CARD8: variants seen among roughly 807,000 people sequenced by gnomAD.
The protein encoded by CARD8 is caspase recruitment domain family member 8.
Under a neutral mutation model 53.2 loss-of-function variants are expected in CARD8, and 38 were observed. The observed-to-expected ratio is 0.71, with a 90% CI of 0.55 to 0.94. The LOEUF (loss-of-function observed/expected upper bound fraction) is 0.94. Ranked by LOEUF, CARD8 falls within the 40% of genes least tolerant of loss-of-function variation. The probability of loss-of-function intolerance (pLI) is 0.00; values close to 1 mark genes in which losing one functional copy is unlikely to be tolerated. For synonymous variants in CARD8, 245 were observed against 244.9 expected, an observed-to-expected ratio of 1.00 and a Z score of 0.00; for missense variants, 561 against 655.5, an observed-to-expected ratio of 0.86 and a Z score of 1.57.
At chr19:48,255,515 T>TAA (rs1281189299) in intron 1 of CARD8, among the ~76,000 whole-genome samples, 1 of 152,180 alleles carries the variant, frequency 6.6e-6, no homozygotes, top group Admixed American at 6.5e-5. Flanking sequence ...TTACAGAAAT[T>TAA]AAAACAAATT....
Position 48,215,397 on chromosome 19 carries a change from G to T in CARD8, c.1304-13C>A, listed in dbSNP as rs1405339516. ...AGCTGGAGATCCACTACAAAAGAGG[G>T]AAAAATTATATGATGAGATGAGATA... On this transcript the variant is annotated splice_polypyrimidine_tract_variant and intron_variant, in intron 12 of 13. Coordinates refer to ENST00000651546, the MANE Select transcript of CARD8 (RefSeq NM_001184900.3). 1 of 1,594,436 alleles carries T rather than the reference G, an allele frequency of 6.3e-7. No homozygotes were observed. The highest frequency in any genetic ancestry group is 1.3e-5 in the African/African-American group (1 of 74,580).
rs987648875 is a variant in CARD8 at position 48,211,964 on chromosome 19, C to T, written c.1360G>A (p.Val454Met). ...APPPFSGAAFVKENHRQLQAR... is the reference protein window; with the variant it reads ...APPPFSGAAFMKENHRQLQAR... ...TGGAGTTGCCGGTGGTTCTCCTTCA[C>T]AAAGGCTGCACCTGGATGAAAGGGG... The change falls in exon 14 of 14, where the codon GTG becomes ATG. Residue 454 changes from valine (V) to methionine (M), a missense_variant. Physicochemically the swap from Val to Met is conservative, Grantham distance 21 (BLOSUM62 1). Coordinates refer to ENST00000651546, the MANE Select transcript of CARD8 (RefSeq NM_001184900.3). 4 of 1,613,804 alleles carry T rather than the reference C, an allele frequency of 2.5e-6. No individual in the cohort carries two copies. Among genetic ancestry groups the T allele is most frequent in the African/African-American group, 2.7e-5 (2 of 74,898 alleles).
At chr19:48,219,834 G>C (rs1363797736) in intron 11 of CARD8, among the ~76,000 whole-genome samples, 1 of 152,108 alleles carries the variant, frequency 6.6e-6, no homozygotes, top group Non-Finnish European at 1.5e-5. Context: ...AGCCAGGCGT[G>C]GTGGCAGGTG....
downstream of CARD8, among the ~76,000 whole-genome samples, chr19:48,207,732 C>CTGGTTT (rs1555790095): frequency 0.016 from 1,500 of 91,272 alleles, 49 homozygotes; most frequent in African/African-American, 0.062. Context: ...TGTTGTTTTT[C>CTGGTTT]TGTTTTTTTT....
chr19:48,206,906 T>TGACAA (rs2037368085), downstream of CARD8, among the ~76,000 whole-genome samples: 1 of 152,036 alleles, frequency 6.6e-6, no homozygotes, highest in Non-Finnish European at 1.5e-5. Context: ...GGGTGACAAG[T>TGACAA]GTGGAGGCTT....
chr19:48,226,115 T>TA (rs1443037179), intron 10 of CARD8, among the ~76,000 whole-genome samples: 3 of 152,086 alleles, frequency 2.0e-5, no homozygotes, highest in Middle Eastern at 3.4e-3. Flanking sequence ...ATTCATGTTC[T>TA]AAGTGTAACG....
At chr19:48,215,286 G>A in intron 13 of CARD8, 54 bp downstream of exon 13, 1 of 1,307,484 alleles carries the variant, frequency 7.6e-7, no homozygotes, top group Non-Finnish European at 1.1e-6. Context: ...GTCACTCAAA[G>A]ACCCCTTGAT....
chr19:48,238,282 T>A (rs1292570651), intron 5 of CARD8, 101 bp downstream of exon 5: 4 of 1,436,168 alleles, frequency 2.8e-6, no homozygotes, highest in Non-Finnish European at 3.6e-6. Flanking sequence ...CTAATTTTTA[T>A]GCAAATAACC....
Position 48,243,610 on chromosome 19 carries a change from C to T in CARD8, c.-43-2547G>A, listed in dbSNP as rs2045603573. 2.0e-5 allele frequency among the ~76,000 whole-genome samples: 3 copies of T among 152,066 alleles called. No homozygotes were observed. In the South Asian group the frequency reaches 6.2e-4, roughly 31 times the overall value. ...GAACACTTTTCTTTTACTTAAGTAT[C>T]GTTATTCCAGAGTTAATATAGTATG... is the stretch of plus-strand genomic sequence containing the variant. On this transcript the variant is annotated intron_variant, in intron 3 of 13. Coordinates refer to ENST00000651546, the MANE Select transcript of CARD8 (RefSeq NM_001184900.3).
At chr19:48,212,310 C>T (rs949352067) in intron 13 of CARD8, among the ~76,000 whole-genome samples, 1 of 152,126 alleles carries the variant, frequency 6.6e-6, no homozygotes, top group Non-Finnish European at 1.5e-5. Flanking sequence ...CCTCTAACAA[C>T]GAAACACAAA....
intron 5 of CARD8, among the ~76,000 whole-genome samples, chr19:48,237,149 T>C (rs903976809): frequency 3.3e-5 from 5 of 151,984 alleles, no homozygotes; most frequent in African/African-American, 7.3e-5. Flanking sequence ...AGAGGTTTAA[T>C]TGGCTCATGG....
Position 48,211,990 on chromosome 19 carries a change from G to A in CARD8, c.1349-15C>T. 1 of 1,610,588 alleles carries A rather than the reference G, an allele frequency of 6.2e-7. No individual in the cohort carries two copies. The highest frequency in any genetic ancestry group is 1.1e-5 in the South Asian group (1 of 90,714). ...AAAGGCTGCACCTGGATGAAAGGGGGAGTTTCAGACTTTGAGAATCGTTCA... is the reference window on the plus strand; with the variant it reads ...AAAGGCTGCACCTGGATGAAAGGGGAAGTTTCAGACTTTGAGAATCGTTCA... On this transcript the variant is annotated splice_polypyrimidine_tract_variant and intron_variant, in intron 13 of 13. Transcript: ENST00000651546.
downstream of CARD8, among the ~76,000 whole-genome samples, chr19:48,207,732 C>CTGGTTTTTTTTT (rs1555790095): frequency 3.3e-5 from 3 of 91,276 alleles, no homozygotes; most frequent in Admixed American, 1.3e-4. Flanking sequence ...TGTTGTTTTT[C>CTGGTTTTTTTTT]TGTTTTTTTT....
intron 6 of CARD8, chr19:48,232,701 A>G (rs1055869460): frequency 1.1e-4 from 74 of 679,828 alleles, no homozygotes; most frequent in Non-Finnish European, 1.8e-4. Context: ...CTCAACAGCT[A>G]CATATCACTC....
intron 11 of CARD8, among the ~76,000 whole-genome samples, chr19:48,221,460 A>G (rs1280763009): frequency 5.3e-5 from 8 of 152,348 alleles, no homozygotes; most frequent in Admixed American, 6.5e-5. Flanking sequence ...GAAGATAATT[A>G]TAACAGGGAA....
intron 10 of CARD8, among the ~76,000 whole-genome samples, chr19:48,224,368 C>CA (rs544134496): frequency 8.3e-4 from 127 of 152,212 alleles, no homozygotes; most frequent in African/African-American, 2.9e-3. Flanking sequence ...GTAACCAACA[C>CA]AAAAAATAAT....
In CARD8 at chr19:48,247,777, T is replaced by C. The variant is rs3859435; in HGVS notation, c.-44+1746A>G. Among the ~76,000 whole-genome samples the C allele has an allele frequency of 3.7e-3, 315 of 85,676 alleles. 1 individual carries two copies. The highest frequency in any genetic ancestry group is 0.011 in the African/African-American group (177 of 16,830). 56.2% of individuals were successfully genotyped at this position (85,676 alleles called of 152,430 possible). ...TATTGTATATATATATATATATATA[T>C]ACACACACACACAATGCTTCCATTT... On this transcript the variant is annotated intron_variant, in intron 3 of 13. Coordinates refer to ENST00000651546, the MANE Select transcript of CARD8 (RefSeq NM_001184900.3).
intron 13 of CARD8, chr19:48,215,039 C>T (rs2038977985): frequency 4.7e-6 from 1 of 214,464 alleles, no homozygotes; most frequent in Admixed American, 5.3e-5. Flanking sequence ...ATCCACCTGC[C>T]TCGGCCTCCC....
Position 48,239,452 on chromosome 19 carries a change from T to C in CARD8, c.60-920A>G, listed in dbSNP as rs182449618. On this transcript the variant is annotated intron_variant, in intron 4 of 13. Coordinates refer to ENST00000651546, the MANE Select transcript of CARD8 (RefSeq NM_001184900.3). ...GTGGTCTTTTATGCATGCCAGATCATCTGTCTCAGTCATTTCAGACTTTTT... is the reference window on the plus strand; with the variant it reads ...GTGGTCTTTTATGCATGCCAGATCACCTGTCTCAGTCATTTCAGACTTTTT... Among the ~76,000 whole-genome samples, 449 of 150,790 alleles carry C rather than the reference T, an allele frequency of 3.0e-3. 4 individuals are homozygous for C. The highest frequency in any genetic ancestry group is 4.9e-3 in the Non-Finnish European group (329 of 67,830).
Sources: gnomAD v4.1 joint callset for allele counts (sites outside exome capture counted in the v4.1 genomes callset) on GRCh38, gnomAD v4.1.1 for gene constraint, MANE v1.5 for transcripts, NCBI Gene and HGNC (gene_info 2026-07-23, HGNC 2026-07-21) for gene names.